The following PCDHA3 variants were observed in gnomAD, a reference collection of about 807,000 sequenced individuals.
PCDHA3 encodes protocadherin alpha 3.
Under a neutral mutation model 62.2 loss-of-function variants are expected in PCDHA3, and 41 were observed. The ratio of observed to expected loss-of-function variants is 0.66; its 90% CI spans 0.51 to 0.86. PCDHA3 has a LOEUF of 0.86. Ranked by LOEUF, PCDHA3 falls within the 40% of genes least tolerant of loss-of-function variation. The pLI is 0.00. For synonymous variants in PCDHA3, 640 were observed against 555.4 expected (o/e 1.15, Z -2.14); for missense variants, 1,304 against 1,241.2 (o/e 1.05, Z -0.76).
intron 1 of PCDHA3, chr5:140,858,026 G>A (rs2045118018): frequency 6.3e-7 from 1 of 1,597,020 alleles, no homozygotes; most frequent in Non-Finnish European, 8.6e-7. Context: ...GTCGCTGACG[G>A]CCACGGCCAC....
intron 1 of PCDHA3, chr5:140,828,857 G>C: frequency 6.2e-7 from 1 of 1,614,232 alleles, no homozygotes; most frequent in Admixed American, 1.7e-5. Flanking sequence ...CGAAAATGCA[G>C]ACAACGGAAC....
In PCDHA3 at chr5:140,842,752, G is replaced by A; in HGVS notation, c.2394+39161G>A. The A allele has an allele frequency of 8.2e-6, 13 of 1,595,020 alleles. 2 individuals are homozygous for A. The highest frequency in any genetic ancestry group is 1.1e-5 in the Non-Finnish European group (13 of 1,165,472). ...CGCCGGGCTGCCACATCTTCACGGT[G>A]TCTGCGCGAGACGCGGACGCGCAGG... On this transcript the variant is annotated intron_variant, in intron 1 of 3. Transcript: ENST00000522353.
At chr5:140,866,823 A>G (rs1375177663) in intron 1 of PCDHA3, 1 of 152,130 alleles carries the variant, frequency 6.6e-6, no homozygotes, top group Non-Finnish European at 1.5e-5. Context: ...TTAATCTTCA[A>G]TTGATTTTAC....
intron 1 of PCDHA3, among the ~76,000 whole-genome samples, chr5:140,947,353 A>G (rs1041468487): frequency 4.6e-5 from 7 of 151,616 alleles, no homozygotes; most frequent in African/African-American, 1.7e-4. Context: ...TCTGGACTCT[A>G]TTTCACTCCT....
chr5:140,817,480 C>A (rs1051531219), intron 1 of PCDHA3: 2 of 152,168 alleles, frequency 1.3e-5, no homozygotes, highest in Non-Finnish European at 2.9e-5. Flanking sequence ...CCTCTGTTAT[C>A]TTTTTAAGCT....
chr5:140,852,375 T>A lies in PCDHA3; in HGVS notation c.2394+48784T>A, dbSNP rs2042313801. ...TCACTGCAACGTCTGCCTCCTGGGTTCAAGCAATTCTCCTGCCTCAGCCTC... is the reference window on the plus strand; with the variant it reads ...TCACTGCAACGTCTGCCTCCTGGGTACAAGCAATTCTCCTGCCTCAGCCTC... On this transcript the variant is annotated intron_variant, in intron 1 of 3. Transcript: ENST00000522353. 1.0e-5 allele frequency: 2 copies of A among 192,516 alleles called. 1 individual carries two copies. The highest frequency in any genetic ancestry group is 1.3e-4 in the Admixed American group (2 of 14,898). The allele number at this position is 192,516 out of a possible 1,614,324, so 11.9% of individuals were successfully genotyped here. A position where few individuals can be genotyped will look rare whatever the true frequency, so the allele number is the denominator to read the frequency against.
chr5:140,801,933 A>G lies in PCDHA3; in HGVS notation c.736A>G (p.Ile246Val), dbSNP rs1762815977. The G allele has an allele frequency of 4.3e-6, 7 of 1,614,226 alleles. No individual in the cohort carries two copies. In the East Asian group the frequency reaches 1.6e-4, roughly 36 times the overall value. The part of the protein sequence containing the change: ...NDNAPAFERT[I>V]YKVRLLENAP... ...CAACGCCCCAGCGTTTGAGAGGACG[A>G]TCTATAAAGTCAGATTACTCGAAAA... is the stretch of plus-strand genomic sequence containing the variant. The change falls in exon 1 of 4, where the codon ATC becomes GTC. Residue 246 changes from isoleucine (I) to valine (V), a missense_variant. Physicochemically the swap from Ile to Val is conservative, Grantham distance 29. Coordinates refer to ENST00000522353, the MANE Select transcript of PCDHA3 (RefSeq NM_018906.3).
At chr5:140,903,416 T>A (rs2070284951) in intron 1 of PCDHA3, among the ~76,000 whole-genome samples, 1 of 152,184 alleles carries the variant, frequency 6.6e-6, no homozygotes, top group Admixed American at 6.5e-5. Flanking sequence ...TCAGGAAAAA[T>A]TCAGCACAAT....
At chr5:140,883,525 A>G in intron 1 of PCDHA3, 1 of 1,614,220 alleles carries the variant, frequency 6.2e-7, no homozygotes, top group Middle Eastern at 1.7e-4. Context: ...AGAGCGTATC[A>G]GCCTATGAAC....
At chr5:140,985,020 C>G (rs1361661147) in intron 3 of PCDHA3, among the ~76,000 whole-genome samples, 1 of 152,110 alleles carries the variant, frequency 6.6e-6, no homozygotes, top group Non-Finnish European at 1.5e-5. Flanking sequence ...TCACAGCAAC[C>G]TCTGCCTCCT....
intron 1 of PCDHA3, chr5:140,807,921 C>T: frequency 1.2e-6 from 2 of 1,614,010 alleles, no homozygotes; most frequent in South Asian, 2.2e-5. Flanking sequence ...TTTGACAGAA[C>T]CATTTATAAG....
intron 1 of PCDHA3, chr5:140,823,306 G>C: frequency 6.2e-7 from 1 of 1,612,298 alleles, no homozygotes; most frequent in South Asian, 1.1e-5. Context: ...TTCGGTGCAC[G>C]CGGAGAGCGG....
At chr5:140,805,461 G>A (rs1255344487) in intron 1 of PCDHA3, 5 of 1,015,688 alleles carry the variant, frequency 4.9e-6, no homozygotes, top group African/African-American at 1.7e-5. Flanking sequence ...TTGTGTGAGT[G>A]TAGTTCTTCA....
intron 1 of PCDHA3, chr5:140,884,522 C>T: frequency 6.2e-7 from 1 of 1,614,058 alleles, no homozygotes. Flanking sequence ...GTCGTACTCG[C>T]AGCAGAGGCG....
intron 1 of PCDHA3, chr5:140,809,029 G>A: frequency 3.1e-6 from 5 of 1,613,858 alleles, no homozygotes; most frequent in African/African-American, 1.3e-5. Context: ...TGCAGCCGGG[G>A]ACTGGTGGCG....
At chr5:140,907,381 G>T (rs2073350294) in intron 1 of PCDHA3, among the ~76,000 whole-genome samples, 1 of 152,180 alleles carries the variant, frequency 6.6e-6, no homozygotes, top group African/African-American at 2.4e-5. Context: ...TGAGTGCCTT[G>T]GTCAAAGGCA....
chr5:140,815,697 T>C (rs1765780636), intron 1 of PCDHA3: 1 of 152,188 alleles, frequency 6.6e-6, no homozygotes, highest in Non-Finnish European at 1.5e-5. Flanking sequence ...AAAATACCTA[T>C]GTATTTCTGT....
intron 3 of PCDHA3, among the ~76,000 whole-genome samples, chr5:140,986,707 A>G (rs2097210304): frequency 6.6e-6 from 1 of 152,186 alleles, no homozygotes; most frequent in Admixed American, 6.5e-5. Flanking sequence ...AGCACTGCAG[A>G]AGATAACATT....
At chr5:140,884,075 T>C (rs2059980601) in intron 1 of PCDHA3, 1 of 1,613,342 alleles carries the variant, frequency 6.2e-7, no homozygotes, top group South Asian at 1.1e-5. Context: ...CGATTCGGGC[T>C]ACAATGCGTG....
Sources: allele counts gnomAD v4.1 joint callset (sites outside exome capture counted in the v4.1 genomes callset), GRCh38; gene constraint gnomAD v4.1.1; transcripts MANE v1.5; gene names NCBI Gene and HGNC (gene_info 2026-07-23, HGNC 2026-07-21).